TENM3: variants seen among roughly 807,000 people sequenced by gnomAD.
TENM3 encodes teneurin-3.
In TENM3, 63 loss-of-function variants were observed where a neutral mutation model predicts 255.1. That is an observed-to-expected ratio of 0.25 (90% CI 0.20 to 0.30). The LOEUF is 0.30. TENM3 is among the 10% of genes least tolerant of loss of function. TENM3 has a pLI of 1.00. For synonymous variants in TENM3, 1,306 were observed against 1,322.3 expected (o/e 0.99, Z 0.27); for missense variants, 2,929 against 3,461.1 (o/e 0.85, Z 3.86).
chr4:182,315,669 T>C (rs1341629149), intron 1 of TENM3, among the ~76,000 whole-genome samples: 1 of 152,182 alleles, frequency 6.6e-6, no homozygotes, highest in Non-Finnish European at 1.5e-5. Context: ...TATTATTTCT[T>C]CACATTTTTT....
the TENM3 span, among the ~76,000 whole-genome samples, chr4:181,733,876 G>A: frequency 6.6e-6 from 1 of 152,244 alleles, no homozygotes; most frequent in African/African-American, 2.4e-5. Context: ...GTTTAAAAAT[G>A]CAAAATCCAT....
rs1436920800 is a variant in TENM3, at chr4:182,161,873, G to A, written c.-76+17119G>A. Among the ~76,000 whole-genome samples, 3 of 28,234 alleles carry A rather than the reference G, an allele frequency of 1.1e-4. 1 individual carries two copies. Among genetic ancestry groups the A allele is most frequent in the Admixed American group, 4.2e-4 (1 of 2,390 alleles). 18.5% of individuals were successfully genotyped at this position (28,234 alleles called of 152,430 possible). ...CACAAATATATATGTGTATATATGT[G>A]TATATATATACACACATATATGTGT... On this transcript the variant is annotated intron_variant, in intron 1 of 2. Transcript: ENST00000512480.
At chr4:182,763,898 C>T (rs1041751056) in intron 22 of TENM3, among the ~76,000 whole-genome samples, 1 of 152,190 alleles carries the variant, frequency 6.6e-6, no homozygotes, top group African/African-American at 2.4e-5. Flanking sequence ...ATGTTCATAT[C>T]GGTGTATCCA....
At chr4:182,776,282 G>A (rs1014837431) in intron 24 of TENM3, among the ~76,000 whole-genome samples, 3 of 152,068 alleles carry the variant, frequency 2.0e-5, no homozygotes, top group African/African-American at 7.2e-5. Context: ...CGTGGAGGTG[G>A]GTCCCTGTAA....
At chr4:182,381,237 T>C (rs4862055) in intron 3 of TENM3, among the ~76,000 whole-genome samples, 139,634 of 152,260 alleles carry the variant, frequency 0.92, 64,488 homozygotes, top group East Asian at 0.99. Context: ...AAACACCTAT[T>C]AGTCAATTCC....
At chr4:182,505,158 CAT>C (rs1176611295) in intron 3 of TENM3, among the ~76,000 whole-genome samples, 9 of 152,104 alleles carry the variant, frequency 5.9e-5, no homozygotes, top group Admixed American at 5.9e-4. Flanking sequence ...TTACAAGCCA[CAT>C]TACAATGGTC....
At chr4:182,005,283 A>G in the TENM3 span, among the ~76,000 whole-genome samples, 3 of 152,330 alleles carry the variant, frequency 2.0e-5, no homozygotes, top group South Asian at 2.1e-4. Context: ...AGTTTTCTGC[A>G]TAGGGGTAGC....
At chr4:181,976,394 T>C in the TENM3 span, 36,776 of 152,128 alleles carry the variant, frequency 0.24, 4,600 homozygotes, top group Non-Finnish European at 0.27. Context: ...GCTGGGGTTA[T>C]GGGCATGGGC....
At chr4:181,750,713 T>C in the TENM3 span, among the ~76,000 whole-genome samples, 2 of 152,158 alleles carry the variant, frequency 1.3e-5, no homozygotes, top group African/African-American at 4.8e-5. Flanking sequence ...GCCGCAACTT[T>C]CTCTTATGCT....
chr4:181,979,733 A>T, the TENM3 span, among the ~76,000 whole-genome samples: 1 of 152,216 alleles, frequency 6.6e-6, no homozygotes, highest in Non-Finnish European at 1.5e-5. Context: ...ACTCAGCCCT[A>T]TAATCTGTGG....
At chr4:181,790,069 G>C in the TENM3 span, among the ~76,000 whole-genome samples, 1 of 152,086 alleles carries the variant, frequency 6.6e-6, no homozygotes, top group Non-Finnish European at 1.5e-5. Flanking sequence ...CTGAAAGTTG[G>C]CATCAGAAGT....
chr4:182,735,936 TG>T (rs1196884668), intron 16 of TENM3, among the ~76,000 whole-genome samples: 1 of 152,202 alleles, frequency 6.6e-6, no homozygotes, highest in East Asian at 1.9e-4. Flanking sequence ...TTTTTTAATT[TG>T]TAAAGGAGAT....
chr4:181,650,656 T>G, the TENM3 span, among the ~76,000 whole-genome samples: 1 of 152,158 alleles, frequency 6.6e-6, no homozygotes, highest in Admixed American at 6.5e-5. Context: ...TCAAAGAAGC[T>G]TGCAAACCCC....
At chr4:181,966,760 T>C in the TENM3 span, among the ~76,000 whole-genome samples, 5 of 152,200 alleles carry the variant, frequency 3.3e-5, no homozygotes, top group Non-Finnish European at 7.4e-5. Context: ...GGCAAGACCC[T>C]TCTCACAATA....
intron 27 of TENM3, among the ~76,000 whole-genome samples, chr4:182,798,373 TTGCC>T (rs1478677128): frequency 6.6e-6 from 1 of 152,220 alleles, no homozygotes; most frequent in Non-Finnish European, 1.5e-5. Flanking sequence ...GGTGTTACAG[TTGCC>T]TGCAATATTC....
At chr4:182,508,802 AC>A (rs1253668307) in intron 3 of TENM3, among the ~76,000 whole-genome samples, 2 of 152,300 alleles carry the variant, frequency 1.3e-5, no homozygotes, top group Non-Finnish European at 2.9e-5. Context: ...CCAGCTTCCT[AC>A]CTGTGTTCTT....
chr4:182,583,999 G>A (rs1021831352), intron 3 of TENM3, among the ~76,000 whole-genome samples: 2 of 152,124 alleles, frequency 1.3e-5, no homozygotes, highest in Admixed American at 1.3e-4. Context: ...CCAAATAGAT[G>A]ATTTTTTATT....
At chr4:181,632,657 AG>A in the TENM3 span, among the ~76,000 whole-genome samples, 6 of 152,162 alleles carry the variant, frequency 3.9e-5, no homozygotes, top group Non-Finnish European at 8.8e-5. Context: ...TTTCTGCCTC[AG>A]TGTGAATCAC....
chr4:181,482,967 G>C, the TENM3 span, among the ~76,000 whole-genome samples: 1 of 151,974 alleles, frequency 6.6e-6, no homozygotes, highest in African/African-American at 2.4e-5. Flanking sequence ...CGAAGCAGAG[G>C]GTATCCCAGA....
Sources: allele counts gnomAD v4.1 joint callset (sites outside exome capture counted in the v4.1 genomes callset), GRCh38; gene constraint gnomAD v4.1.1; transcripts MANE v1.5; gene names NCBI Gene and HGNC (gene_info 2026-07-23, HGNC 2026-07-21).